The following ARHGAP32 variants were observed in gnomAD, a reference collection of about 807,000 sequenced individuals.
The protein encoded by ARHGAP32 is rho GTPase-activating protein 32.
ARHGAP32 carries 51 observed loss-of-function variants against 186.5 expected under a neutral mutation model. That is an observed-to-expected ratio of 0.27 (90% confidence interval 0.22 to 0.35). ARHGAP32 has a LOEUF of 0.35. ARHGAP32 is among the 10% of genes least tolerant of loss of function. ARHGAP32 has a pLI of 1.00. For synonymous variants in ARHGAP32, 950 were observed against 964.3 expected, an observed-to-expected ratio of 0.99 and a Z score of 0.27; for missense variants, 2,186 against 2,623.5, an observed-to-expected ratio of 0.83 and a Z score of 3.64.
intron 5 of ARHGAP32, among the ~76,000 whole-genome samples, chr11:129,109,516 C>T (rs1565426718): frequency 1.3e-5 from 2 of 151,948 alleles, no homozygotes; most frequent in Non-Finnish European, 2.9e-5. Context: ...TTAAATAGTG[C>T]TTGTACTCAT....
chr11:129,220,772 T>C lies in ARHGAP32; in HGVS notation c.-4-56345A>G, dbSNP rs576745563. On this transcript the variant is annotated intron_variant, in intron 1 of 6. Transcript: ENST00000525234. The stretch of plus-strand genomic sequence containing the variant: ...GTGATTCTCTTACATTAAAGCCTAG[T>C]AACTGTTTTTGTGTAGACTCTGTAA... Among the ~76,000 whole-genome samples the C allele has an allele frequency of 2.0e-5, 3 of 152,308 alleles. No individual in the cohort carries two copies. In the South Asian group the frequency reaches 6.2e-4, roughly 32 times the overall value.
At chr11:129,153,825 A>G (rs1482694254) in intron 2 of ARHGAP32, among the ~76,000 whole-genome samples, 1 of 152,212 alleles carries the variant, frequency 6.6e-6, no homozygotes, top group Non-Finnish European at 1.5e-5. Context: ...TGGCTTAGGC[A>G]AAGAGTTCAA....
intron 1 of ARHGAP32, among the ~76,000 whole-genome samples, chr11:129,183,910 T>C (rs1272890924): frequency 6.6e-6 from 1 of 152,112 alleles, no homozygotes; most frequent in Non-Finnish European, 1.5e-5. Context: ...AAATCTCTCC[T>C]TCTCCAAGTG....
intron 1 of ARHGAP32, among the ~76,000 whole-genome samples, chr11:129,201,916 G>A (rs929892208): frequency 1.3e-5 from 2 of 152,046 alleles, no homozygotes; most frequent in African/African-American, 2.4e-5. Context: ...ACAGGAGTTC[G>A]AGGCTACAGT....
chr11:129,015,452 CA>C (rs919810939), intron 11 of ARHGAP32, among the ~76,000 whole-genome samples: 2 of 152,168 alleles, frequency 1.3e-5, no homozygotes, highest in Non-Finnish European at 2.9e-5. Context: ...GCAGGTTTTT[CA>C]AATCTTAACA....
intron 11 of ARHGAP32, among the ~76,000 whole-genome samples, chr11:129,004,019 A>G (rs1165278189): frequency 6.6e-6 from 1 of 151,872 alleles, no homozygotes; most frequent in African/African-American, 2.4e-5. Context: ...TTTCCCTCTT[A>G]GTACAGCTTT....
At chr11:129,254,779 C>T (rs1404170046) in intron 1 of ARHGAP32, among the ~76,000 whole-genome samples, 1 of 152,098 alleles carries the variant, frequency 6.6e-6, no homozygotes, top group Non-Finnish European at 1.5e-5. Context: ...TATCAGCACA[C>T]TGAAATGCAC....
At chr11:128,997,288 T>C (rs1003157970) in intron 12 of ARHGAP32, among the ~76,000 whole-genome samples, 2 of 152,180 alleles carry the variant, frequency 1.3e-5, no homozygotes, top group East Asian at 1.9e-4. Flanking sequence ...ATAACATCTG[T>C]TTGAAATAAC....
At chr11:128,982,549 C>T (rs1268680943) in intron 15 of ARHGAP32, among the ~76,000 whole-genome samples, 2 of 151,336 alleles carry the variant, frequency 1.3e-5, no homozygotes, top group Non-Finnish European at 2.9e-5. Flanking sequence ...TATCACCTAG[C>T]ATGTCTCAAA....
At chr11:129,252,055 C>CAA (rs1321381249) in intron 1 of ARHGAP32, among the ~76,000 whole-genome samples, 1 of 151,010 alleles carries the variant, frequency 6.6e-6, no homozygotes, top group African/African-American at 2.4e-5. Context: ...TACAATAATT[C>CAA]AAATATAATT....
intron 12 of ARHGAP32, among the ~76,000 whole-genome samples, chr11:128,995,479 G>A (rs1403223204): frequency 6.6e-6 from 1 of 152,122 alleles, no homozygotes; most frequent in African/African-American, 2.4e-5. Context: ...CAAAATACTA[G>A]GATTACAAGC....
intron 1 of ARHGAP32, among the ~76,000 whole-genome samples, chr11:129,183,956 A>C (rs1487509295): frequency 1.3e-5 from 2 of 152,116 alleles, no homozygotes; most frequent in African/African-American, 2.4e-5. Flanking sequence ...GAAAAAATAA[A>C]TCCTTAACAG....
At chr11:129,209,969 C>T (rs1318144907) in intron 1 of ARHGAP32, among the ~76,000 whole-genome samples, 1 of 152,064 alleles carries the variant, frequency 6.6e-6, no homozygotes, top group Non-Finnish European at 1.5e-5. Flanking sequence ...GAAATAACAC[C>T]AAGGTGACAG....
At chr11:129,138,308 A>C (rs1279725686) in intron 2 of ARHGAP32, among the ~76,000 whole-genome samples, 1 of 113,304 alleles carries the variant, frequency 8.8e-6, no homozygotes, top group Non-Finnish European at 1.9e-5. Flanking sequence ...AAAAAAAAAA[A>C]AAAAAAAGAA....
chr11:129,032,907 C>T (rs561025194), intron 11 of ARHGAP32, among the ~76,000 whole-genome samples: 70 of 152,202 alleles, frequency 4.6e-4, no homozygotes, highest in Non-Finnish European at 9.7e-4. Flanking sequence ...CCAGAATCCT[C>T]TCTCCTGCCC....
At chr11:129,194,246 A>G (rs2135564091), upstream of ARHGAP32, among the ~76,000 whole-genome samples, 1 of 152,230 alleles carries the variant, frequency 6.6e-6, no homozygotes, top group South Asian at 2.1e-4. Context: ...CTCTTTTAGG[A>G]AATTATCTCA....
chr11:129,250,648 A>G (rs1202314962), intron 1 of ARHGAP32, among the ~76,000 whole-genome samples: 3 of 152,218 alleles, frequency 2.0e-5, no homozygotes, highest in African/African-American at 4.8e-5. Context: ...GTGAAACCTT[A>G]TACCTCTTTG....
rs1321199730 is a variant in ARHGAP32 at position 128,972,851 on chromosome 11, G to A, written c.3655C>T (p.Pro1219Ser). Residue 1219 changes from proline (P) to serine (S), a missense_variant, in exon 22 of 23, where the codon CCC (proline) becomes TCC (serine). This residue lies in a region of ARHGAP32 where 1,502 missense variants were observed against 1,570.0 expected (regional missense o/e 0.96). Transcript: ENST00000682385. ...GGCTGATCTCCACTGTAGAAACGGG[G>A]TGGAGACTGGTCCTGATCCAAGAAG... ...VSFLDQDQSP[P>S]RFYSGDQPPS... 6.2e-7 allele frequency: 1 copy of A among 1,614,038 alleles called. No homozygotes were observed. The highest frequency in any genetic ancestry group is 8.5e-7 in the Non-Finnish European group (1 of 1,180,034).
At chr11:129,027,611 C>T (rs1938916831) in intron 11 of ARHGAP32, among the ~76,000 whole-genome samples, 1 of 152,142 alleles carries the variant, frequency 6.6e-6, no homozygotes, top group Non-Finnish European at 1.5e-5. Context: ...ATGCAGATCT[C>T]CCCTCCTCAT....
Sources: gnomAD v4.1 joint callset for allele counts (sites outside exome capture counted in the v4.1 genomes callset) on GRCh38, gnomAD v4.1.1 for gene constraint, gnomAD v4.1.1 regional missense constraint, MANE v1.5 for transcripts, NCBI Gene and HGNC (gene_info 2026-07-23, HGNC 2026-07-21) for gene names.